ASH1L: variants seen among roughly 807,000 people sequenced by gnomAD.
The protein encoded by ASH1L is histone-lysine N-methyltransferase ASH1L.
In ASH1L, 23 loss-of-function variants were observed where a neutral mutation model predicts 269.0. The ratio of observed to expected loss-of-function variants is 0.09; its 90% CI spans 0.06 to 0.12. The LOEUF (loss-of-function observed/expected upper bound fraction) is 0.12, where lower values mean the gene tolerates loss of function less well. ASH1L is among the 10% of genes least tolerant of loss of function. The pLI is 1.00. For synonymous variants in ASH1L, 1,187 were observed against 1,253.5 expected (o/e 0.95, Z 1.12); for missense variants, 2,912 against 3,567.8 (o/e 0.82, Z 4.68).
intron 4 of ASH1L, among the ~76,000 whole-genome samples, chr1:155,445,780 T>TA (rs1662963870): frequency 6.6e-6 from 1 of 152,194 alleles, no homozygotes; most frequent in Non-Finnish European, 1.5e-5. Context: ...CTCTCCCACT[T>TA]ATTCTTCAAT....
chr1:155,560,446 A>T (rs1302597541), intron 1 of ASH1L, among the ~76,000 whole-genome samples: 2 of 152,178 alleles, frequency 1.3e-5, no homozygotes, highest in Non-Finnish European at 2.9e-5. Context: ...CTTTCAAAGG[A>T]TTCCTTCAGC....
intron 1 of ASH1L, among the ~76,000 whole-genome samples, chr1:155,534,444 A>G (rs1265795800): frequency 6.6e-6 from 1 of 151,434 alleles, no homozygotes; most frequent in Non-Finnish European, 1.5e-5. Flanking sequence ...GAGGGTGGAA[A>G]AAACTGAAGA....
chr1:155,536,202 G>A (rs189290388), intron 1 of ASH1L, among the ~76,000 whole-genome samples: 8 of 152,224 alleles, frequency 5.3e-5, no homozygotes, highest in African/African-American at 1.4e-4. Context: ...AAGTATTTTT[G>A]TTGTGTTTCA....
At chr1:155,492,033 CTTT>C (rs747132753) in intron 2 of ASH1L, among the ~76,000 whole-genome samples, 5 of 111,938 alleles carry the variant, frequency 4.5e-5, no homozygotes, top group Admixed American at 9.7e-5. Flanking sequence ...GTTTTGTTTA[CTTT>C]TTTTTTTTTT....
chr1:155,457,096 G>A (rs1299107119), intron 4 of ASH1L, among the ~76,000 whole-genome samples: 1 of 152,120 alleles, frequency 6.6e-6, no homozygotes, highest in African/African-American at 2.4e-5. Context: ...AGGCAACATG[G>A]AGTGGACTCT....
At chr1:155,435,053 G>C (rs1558101550) in intron 5 of ASH1L, among the ~76,000 whole-genome samples, 1 of 151,602 alleles carries the variant, frequency 6.6e-6, no homozygotes, top group South Asian at 2.1e-4. Flanking sequence ...AGCTACTTGG[G>C]TGGCTGAGGC....
chr1:155,424,701 T>A (rs539128944), intron 5 of ASH1L, among the ~76,000 whole-genome samples: 1 of 152,338 alleles, frequency 6.6e-6, no homozygotes, highest in South Asian at 2.1e-4. Context: ...ACTACCATGC[T>A]CGGCCTATTA....
intron 6 of ASH1L, among the ~76,000 whole-genome samples, chr1:155,400,887 T>C (rs1055427279): frequency 6.6e-6 from 1 of 152,192 alleles, no homozygotes; most frequent in East Asian, 1.9e-4. Flanking sequence ...GCCAGTGATG[T>C]GGTGGCTCAC....
chr1:155,480,205 T>G lies in ASH1L; in HGVS notation c.2665A>C (p.Lys889Gln). ...QGLSVSPFPK[K>Q]RGRPKRQMRS... ...ATTTGCCTCTTAGGCCTGCCTCTCT[T>G]TTTTGGAAAAGGAGACACAGACAGA... is the stretch of plus-strand genomic sequence containing the variant. The change falls in exon 3 of 28, where the codon AAG (lysine) becomes CAG (glutamine). Residue 889 changes from lysine (K) to glutamine (Q), a missense_variant. Around this residue, in one of 13 missense-constraint regions of ASH1L, gnomAD observed 715 missense variants for 721.0 expected, o/e 0.99. Coordinates refer to ENST00000392403, the MANE Select transcript of ASH1L (RefSeq NM_018489.3). 1 of 1,614,132 alleles carries G rather than the reference T, an allele frequency of 6.2e-7. No individual in the cohort carries two copies. The highest frequency in any genetic ancestry group is 2.2e-5 in the East Asian group (1 of 44,886).
Position 155,438,542 on chromosome 1 carries a change from C to T in ASH1L, c.5613G>A (p.Gln1871=), listed in dbSNP as rs751189247. 6.2e-7 allele frequency: 1 copy of T among 1,613,490 alleles called. No individual in the cohort carries two copies. The part of the protein sequence containing the change: ...VVSMQAFQAA[Q]FVNPELNRDE... ...CTCTGTTCAATTCTGGGTTGACAAACTGAGCAGCCTGGAATGCTTGCATTG... is the reference window on the plus strand; with the variant it reads ...CTCTGTTCAATTCTGGGTTGACAAATTGAGCAGCCTGGAATGCTTGCATTG... Residue 1871 remains glutamine, a synonymous_variant, in exon 5 of 28, where the codon CAG becomes CAA. Transcript: ENST00000392403.
In ASH1L at chr1:155,384,100, CAA is replaced by C. The variant is rs551331961; in HGVS notation, c.6104-3986_6104-3985del. On this transcript the variant is annotated intron_variant, in intron 7 of 27. Transcript: ENST00000392403. ...GATTAAACGTAACTTAGAAAAAACT[CAA>C]GAGAAGGAAAGCCTATTGTATATAT... 1.4e-4 allele frequency among the ~76,000 whole-genome samples: 21 copies of C among 152,270 alleles called. No individual in the cohort carries two copies. The East Asian group carries it at 3.1e-3, about 22-fold the overall frequency.
At chr1:155,387,001 C>CAA (rs1394416929) in intron 7 of ASH1L, among the ~76,000 whole-genome samples, 1 of 148,590 alleles carries the variant, frequency 6.7e-6, no homozygotes, top group African/African-American at 2.5e-5. Context: ...TTTTTTGAGA[C>CAA]AGAGTTTTGC....
upstream of ASH1L, chr1:155,562,845 T>TC: frequency 5.5e-6 from 1 of 180,436 alleles, no homozygotes; most frequent in Non-Finnish European, 1.1e-5. Context: ...CTCCCCCCCC[T>TC]TCCCCGCCCC....
rs766294259 is a variant in ASH1L at position 155,349,435 on chromosome 1, G to T, written c.7446C>A (p.Ile2482=). 1.2e-6 allele frequency: 2 copies of T among 1,614,106 alleles called. No individual in the cohort carries two copies. Among genetic ancestry groups the T allele is most frequent in the East Asian group, 4.5e-5 (2 of 44,876 alleles). Residue 2482 remains isoleucine, a synonymous_variant, in exon 19 of 28, where the codon ATC becomes ATA. Coordinates refer to ENST00000392403, the MANE Select transcript of ASH1L (RefSeq NM_018489.3). ...KKKNADYYEK[I]SDPLDLITIE... ...TGGTGATAAGATCTAGGGGATCAGA[G>T]ATCTTCTCATAATAATCAGCATTCC...
intron 6 of ASH1L, among the ~76,000 whole-genome samples, chr1:155,402,020 G>A (rs1041642952): frequency 1.3e-5 from 2 of 151,992 alleles, no homozygotes; most frequent in Non-Finnish European, 2.9e-5. Flanking sequence ...AACCCAGGAG[G>A]TGGAGGTTGC....
chr1:155,411,823 G>C (rs1659835677), intron 6 of ASH1L, among the ~76,000 whole-genome samples: 1 of 151,020 alleles, frequency 6.6e-6, no homozygotes, highest in African/African-American at 2.4e-5. Flanking sequence ...CCATACCCTA[G>C]AGAAAGGAAT....
chr1:155,522,505 G>A (rs990767387), intron 1 of ASH1L, among the ~76,000 whole-genome samples: 1 of 152,042 alleles, frequency 6.6e-6, no homozygotes, highest in African/African-American at 2.4e-5. Flanking sequence ...TTTCCTAATA[G>A]CAAATAGTAG....
At chr1:155,420,004 A>G (rs1660534832) in intron 5 of ASH1L, among the ~76,000 whole-genome samples, 1 of 152,170 alleles carries the variant, frequency 6.6e-6, no homozygotes, top group Non-Finnish European at 1.5e-5. Context: ...TGAAATCAAA[A>G]TTAAACAATG....
chr1:155,434,541 A>G (rs1661920455), intron 5 of ASH1L, among the ~76,000 whole-genome samples: 1 of 151,470 alleles, frequency 6.6e-6, no homozygotes, highest in Non-Finnish European at 1.5e-5. Context: ...AAAAGACCCT[A>G]AGATCTAACA....
Sources: allele counts gnomAD v4.1 joint callset (sites outside exome capture counted in the v4.1 genomes callset), GRCh38; gene constraint gnomAD v4.1.1; regional missense constraint gnomAD v4.1.1; transcripts MANE v1.5; gene names NCBI Gene and HGNC (gene_info 2026-07-23, HGNC 2026-07-21).